The following TEX35 variants were observed in gnomAD, a reference collection of about 807,000 sequenced individuals.
TEX35 encodes the protein testis expressed 35, also known as testis-expressed protein 35.
TEX35 carries 26 observed loss-of-function variants against 31.9 expected under a neutral mutation model. The observed-to-expected ratio is 0.81, with a 90% CI of 0.60 to 1.13. TEX35 has a LOEUF of 1.13. TEX35 is among the 50% of genes most tolerant of loss of function. TEX35 has a pLI of 0.00. For synonymous variants in TEX35, 87 were observed against 90.7 expected, an observed-to-expected ratio of 0.96 and a Z score of 0.23; for missense variants, 278 against 273.5, an observed-to-expected ratio of 1.02 and a Z score of -0.12.
intron 8 of TEX35, chr1:178,521,499 G>A (rs1280140355): frequency 1.8e-6 from 2 of 1,097,840 alleles, no homozygotes; most frequent in Non-Finnish European, 1.4e-6. Context: ...GGTGGGGAGG[G>A]TGCACCACTA....
In TEX35 at chr1:178,522,626, A is replaced by G; in HGVS notation, c.*186A>G. The stretch of plus-strand genomic sequence containing the variant: ...CTTTGCTAAGCTGGCTGCTTCTACC[A>G]TCTAATAAATAATTGGCCAAGTTCT... On this transcript the variant is annotated 3_prime_UTR_variant, in exon 9 of 9. Coordinates refer to ENST00000319416, the MANE Select transcript of TEX35 (RefSeq NM_032126.5). 1.6e-6 allele frequency: 2 copies of G among 1,283,270 alleles called. No homozygotes were observed. Among genetic ancestry groups the G allele is most frequent in the Non-Finnish European group, 2.0e-6 (2 of 1,015,082 alleles). 79.5% of individuals were successfully genotyped at this position (1,283,270 alleles called of 1,614,324 possible). A position where few individuals can be genotyped will look rare whatever the true frequency, so the allele number is the denominator to read the frequency against.
chr1:178,522,259 T>C, intron 8 of TEX35, 66 bp from the exon 9 acceptor site: 2 of 1,505,902 alleles, frequency 1.3e-6, no homozygotes, highest in Non-Finnish European at 1.8e-6. Flanking sequence ...GTAGCTTTCT[T>C]GGGTTCTGGG....
rs1395683470 is a variant in TEX35, at chr1:178,513,200, G to A, written c.12G>A (p.Lys4=). Residue 4 remains lysine, a synonymous_variant, in exon 1 of 9, where the codon AAG becomes AAA. Transcript: ENST00000319416. ...TGGCCTCCTCCATCATGTCGGCCAA[G>A]AGGGCAGAATTGAAGAAAACACATC... is the stretch of plus-strand genomic sequence containing the variant. MSA[K]RAELKKTHLS... is the part of the protein sequence containing the mutation. The A allele has an allele frequency of 3.1e-6, 5 of 1,614,112 alleles. No homozygotes were observed. Among genetic ancestry groups the A allele is most frequent in the Non-Finnish European group, 4.2e-6 (5 of 1,180,048 alleles).
rs954676274 is a variant in TEX35, at chr1:178,516,694, C to A, written c.276+20C>A. The A allele has an allele frequency of 1.3e-6, 2 of 1,577,192 alleles. No homozygotes were observed. Among genetic ancestry groups the A allele is most frequent in the Non-Finnish European group, 1.7e-6 (2 of 1,151,830 alleles). The stretch of plus-strand genomic sequence containing the variant: ...ATGAAGGTAAGCATTACTTGAGTGC[C>A]TTCCATGGGCCAGTACCATACTGGA... On this transcript the variant is annotated intron_variant, in intron 5 of 8. Transcript: ENST00000319416.
chr1:178,521,058 CTTAGCT>C, intron 7 of TEX35, 158 bp from the exon 8 acceptor site: 1 of 1,558,884 alleles, frequency 6.4e-7, no homozygotes, highest in Non-Finnish European at 8.7e-7. Context: ...GTGGAGCCTC[CTTAGCT>C]GTGACCATGC....
At chr1:178,514,226 T>C in intron 2 of TEX35, 149 bp downstream of exon 2, 1 of 1,555,418 alleles carries the variant, frequency 6.4e-7, no homozygotes, top group Non-Finnish European at 8.7e-7. Flanking sequence ...CTCATAGAAC[T>C]TCACACTGTA....
chr1:178,521,474 G>C (rs1431723155), intron 8 of TEX35: 3 of 1,025,766 alleles, frequency 2.9e-6, no homozygotes, highest in Non-Finnish European at 4.5e-6. Flanking sequence ...AGAGGCTGCT[G>C]CCTGGGGCTC....
At chr1:178,519,266 T>C (rs1477618115) in intron 5 of TEX35, among the ~76,000 whole-genome samples, 1 of 152,186 alleles carries the variant, frequency 6.6e-6, no homozygotes, top group African/African-American at 2.4e-5. Context: ...TGATTCAATA[T>C]GGAGACTGAA....
intron 7 of TEX35, 132 bp downstream of exon 7, chr1:178,521,006 C>T: frequency 1.3e-6 from 2 of 1,540,552 alleles, no homozygotes; most frequent in Non-Finnish European, 1.7e-6. Context: ...TGGGTGCCGC[C>T]CGAGCCTGCG....
chr1:178,514,165 A>C, intron 2 of TEX35, 88 bp downstream of exon 2: 1 of 1,608,378 alleles, frequency 6.2e-7, no homozygotes, highest in East Asian at 2.2e-5. Flanking sequence ...TGCTGATCCT[A>C]GTGGCCAAGA....
chr1:178,515,157 G>C (rs1161099027), intron 3 of TEX35, among the ~76,000 whole-genome samples: 1 of 152,094 alleles, frequency 6.6e-6, no homozygotes, highest in Non-Finnish European at 1.5e-5. Flanking sequence ...GCCCAGGCTG[G>C]AGTGCAGTGG....
intron 5 of TEX35, among the ~76,000 whole-genome samples, chr1:178,517,189 T>C (rs576388932): frequency 2.8e-4 from 43 of 152,210 alleles, no homozygotes; most frequent in African/African-American, 1.0e-3. Context: ...TTTTCAAGAG[T>C]TGTAAGGGGA....
Position 178,514,856 on chromosome 1 carries a change from A to G in TEX35, c.159+88A>G, listed in dbSNP as rs574283145. The G allele has an allele frequency of 1.1e-4, 121 of 1,114,782 alleles. No individual in the cohort carries two copies. In the African/African-American group the frequency reaches 1.7e-3, roughly 15 times the overall value. The allele number at this position is 1,114,782 out of a possible 1,614,324, so 69.1% of individuals were successfully genotyped here. ...AATCCTCAGTGCCTGTTTCCTAAAT[A>G]CAAGAATATCCTCTTACATAGGCAC... On this transcript the variant is annotated intron_variant, in intron 3 of 8. Transcript: ENST00000319416.
At chr1:178,523,232 T>C (rs563285471), downstream of TEX35, 4 of 693,748 alleles carry the variant, frequency 5.8e-6, no homozygotes, top group East Asian at 1.1e-4. Context: ...ATCCTGGCTA[T>C]TGTGAACAGT....
chr1:178,520,563 T>A, intron 6 of TEX35, 110 bp from the exon 7 acceptor site: 1 of 1,597,128 alleles, frequency 6.3e-7, no homozygotes, highest in Middle Eastern at 1.7e-4. Flanking sequence ...CTACTGCCCC[T>A]GTGACTTGGA....
chr1:178,513,786 A>G (rs947514376), intron 1 of TEX35, among the ~76,000 whole-genome samples: 4 of 152,212 alleles, frequency 2.6e-5, no homozygotes, highest in Non-Finnish European at 5.9e-5. Context: ...CAGCAGGGAG[A>G]GGGCTGCCTG....
chr1:178,523,262 T>C, downstream of TEX35: 1 of 699,812 alleles, frequency 1.4e-6, no homozygotes, highest in Non-Finnish European at 2.6e-6. Flanking sequence ...AATGTGAGAG[T>C]GCAGATATCT....
intron 1 of TEX35, among the ~76,000 whole-genome samples, chr1:178,513,459 G>A (rs1649948416): frequency 6.6e-6 from 1 of 152,260 alleles, no homozygotes; most frequent in Non-Finnish European, 1.5e-5. Flanking sequence ...GAGGAGCACT[G>A]CCAAGGGAGC....
Position 178,516,640 on chromosome 1 carries a change from T to G in TEX35, c.242T>G (p.Phe81Cys), listed in dbSNP as rs150628229. ...KQIKDLMDKDFDKLHEFVEIM... is the reference protein window; with the variant it reads ...KQIKDLMDKDCDKLHEFVEIM... ...ATAAAGGATCTAATGGACAAGGATT[T>G]TGATAAACTTCACGAATTTGTGGAA... The change falls in exon 5 of 9, where the codon TTT becomes TGT. Residue 81 changes from phenylalanine to cysteine, a missense_variant. Phe to Cys is a radical substitution (Grantham distance 205). Transcript: ENST00000319416. 85 of 1,613,786 alleles carry G rather than the reference T, an allele frequency of 5.3e-5. 2 individuals are homozygous for G. In the African/African-American group the frequency reaches 9.2e-4, roughly 17 times the overall value.
Sources: allele counts gnomAD v4.1 joint callset (sites outside exome capture counted in the v4.1 genomes callset), GRCh38; gene constraint gnomAD v4.1.1; transcripts MANE v1.5; gene names NCBI Gene and HGNC (gene_info 2026-07-23, HGNC 2026-07-21).